Variants in ELK4 observed in about 807,000 individuals in gnomAD.
The protein encoded by ELK4 is ETS transcription factor ELK4.
ELK4 carries 16 observed loss-of-function variants against 29.6 expected under a neutral mutation model. That is an observed-to-expected ratio of 0.54 (90% confidence interval 0.37 to 0.82). ELK4 has a LOEUF of 0.82. Ranked by LOEUF, ELK4 falls within the 40% of genes least tolerant of loss-of-function variation. The probability of loss-of-function intolerance (pLI) is 0.00; values close to 1 mark genes in which losing one functional copy is unlikely to be tolerated. For synonymous variants in ELK4, 213 were observed against 191.1 expected (o/e 1.11, Z -0.95); for missense variants, 465 against 507.1 (o/e 0.92, Z 0.80).
chr1:205,615,006 G>C lies in ELK4; in HGVS notation c.*1540C>G. 1 of 205,924 alleles carries C rather than the reference G, an allele frequency of 4.9e-6. No individual in the cohort carries two copies. Among genetic ancestry groups the C allele is most frequent in the Non-Finnish European group, 9.9e-6 (1 of 100,982 alleles). 12.8% of individuals were successfully genotyped at this position (205,924 alleles called of 1,614,324 possible). ...CATATAGTAATATTTTAAAAATTTG[G>C]TAATGTAGAGAATAAGGCCTACATT... On this transcript the variant is annotated 3_prime_UTR_variant, in exon 5 of 5. Coordinates refer to ENST00000357992, the MANE Select transcript of ELK4 (RefSeq NM_001973.4).
At chr1:205,618,875 C>T (rs1670278492) in intron 4 of ELK4, 82 bp downstream of exon 4, 2 of 1,036,024 alleles carry the variant, frequency 1.9e-6, no homozygotes, top group East Asian at 2.5e-5. Flanking sequence ...AATGATTAAA[C>T]TGAATAGTGG....
intron 1 of ELK4, among the ~76,000 whole-genome samples, chr1:205,624,680 G>T (rs565206124): frequency 2.6e-5 from 4 of 152,126 alleles, no homozygotes; most frequent in African/African-American, 9.6e-5. Flanking sequence ...GGCATTATTG[G>T]TTTTGGGGGC....
chr1:205,619,196 C>G, intron 3 of ELK4, 123 bp from the exon 4 acceptor site: 1 of 1,161,096 alleles, frequency 8.6e-7, no homozygotes, highest in Non-Finnish European at 1.1e-6. Context: ...ATCTCCAAGT[C>G]TGAAATATTA....
intron 2 of ELK4, among the ~76,000 whole-genome samples, chr1:205,621,504 G>A (rs545821121): frequency 5.9e-4 from 90 of 152,192 alleles, no homozygotes; most frequent in Non-Finnish European, 1.1e-3. Flanking sequence ...CACATCCTGA[G>A]TAAGCAAAAA....
Position 205,616,541 on chromosome 1 carries a change from AT to A in ELK4, c.*4del, listed in dbSNP as rs1558019812. 6.2e-7 allele frequency: 1 copy of A among 1,613,448 alleles called. No homozygotes were observed. Among genetic ancestry groups the A allele is most frequent in the African/African-American group, 1.3e-5 (1 of 75,028 alleles). On this transcript the variant is annotated 3_prime_UTR_variant, in exon 5 of 5. Coordinates refer to ENST00000357992, the MANE Select transcript of ELK4 (RefSeq NM_001973.4). ...CTCGGTTCTCTCATTCCACAAGTGCATAGGTTATGTCTTCTGTAGGTCTGGG... is the reference window on the plus strand; with the variant it reads ...CTCGGTTCTCTCATTCCACAAGTGCAAGGTTATGTCTTCTGTAGGTCTGGG...
intron 1 of ELK4, 90 bp downstream of exon 1, chr1:205,631,542 G>GCCGCGCGCCCCTCGGCCCCCGC (rs1177495773): frequency 1.9e-5 from 3 of 155,494 alleles, no homozygotes; most frequent in African/African-American, 7.3e-5. Context: ...TTCCTGTTGT[G>GCCGCGCGCCCCTCGGCCCCCGC]CCGCGCGCCC....
intron 4 of ELK4, 28 bp downstream of exon 4, chr1:205,618,929 T>C: frequency 6.4e-7 from 1 of 1,552,994 alleles, no homozygotes; most frequent in South Asian, 1.2e-5. Flanking sequence ...ATGCTCCAAC[T>C]ACAGAAGACA....
rs1670183387 is a variant in ELK4 at position 205,613,364 on chromosome 1, G to A, written c.*3182C>T. ...ATTTCTAAAAAAAGAAAAAGAAAAAGATCACTGAAGTCAGACATGATATTT... is the reference window on the plus strand; with the variant it reads ...ATTTCTAAAAAAAGAAAAAGAAAAAAATCACTGAAGTCAGACATGATATTT... On this transcript the variant is annotated 3_prime_UTR_variant, in exon 5 of 5. Transcript: ENST00000357992. The A allele has an allele frequency of 5.4e-6, 1 of 184,686 alleles. No homozygotes were observed. Among genetic ancestry groups the A allele is most frequent in the East Asian group, 8.8e-5 (1 of 11,326 alleles). The allele number at this position is 184,686 out of a possible 1,614,324, so 11.4% of individuals were successfully genotyped here. A position where few individuals can be genotyped will look rare whatever the true frequency, so the allele number is the denominator to read the frequency against.
chr1:205,625,023 C>T (rs1255906678), intron 1 of ELK4, among the ~76,000 whole-genome samples: 2 of 151,784 alleles, frequency 1.3e-5, no homozygotes, highest in African/African-American at 4.8e-5. Flanking sequence ...TTGAATACTT[C>T]ACACACACAA....
intron 1 of ELK4, chr1:205,625,745 C>G (rs1179527564): frequency 1.8e-5 from 12 of 674,000 alleles, no homozygotes; most frequent in Admixed American, 1.7e-4. Context: ...GTGGCGCAAT[C>G]TGGGCTCACT....
At chr1:205,621,316 G>C (rs1297469930) in intron 2 of ELK4, among the ~76,000 whole-genome samples, 1 of 150,702 alleles carries the variant, frequency 6.6e-6, no homozygotes, top group Non-Finnish European at 1.5e-5. Flanking sequence ...ACCAAACACA[G>C]TCCCTACTAT....
At position 205,620,292 on chromosome 1, in the gene ELK4, T is replaced by G; in HGVS notation, c.754A>C (p.Thr252Pro). ...GGGGGTATGGACGAAATGGGTGGTG[T>G]GGTGGCAAAAGCAGTCATTACGTTA... ...ASNVMTAFAT[T>P]PPISSIPPLQ... The change falls in exon 3 of 5, where the codon ACA becomes CCA. Residue 252 changes from threonine (T) to proline (P), a missense_variant. Thr to Pro is a conservative substitution (Grantham distance 38). Transcript: ENST00000357992. The G allele has an allele frequency of 6.2e-7, 1 of 1,614,138 alleles. No individual in the cohort carries two copies. The highest frequency in any genetic ancestry group is 8.5e-7 in the Non-Finnish European group (1 of 1,180,016).
At position 205,620,355 on chromosome 1, in the gene ELK4, G is replaced by T. The variant is rs760278373; in HGVS notation, c.691C>A (p.Pro231Thr). 1.4e-5 allele frequency: 23 copies of T among 1,614,084 alleles called. No individual in the cohort carries two copies. Among genetic ancestry groups the T allele is most frequent in the Non-Finnish European group, 1.9e-5 (22 of 1,180,038 alleles). The change falls in exon 3 of 5, where the codon CCA becomes ACA. Residue 231 changes from proline (P) to threonine (T), a missense_variant. This residue lies in a region of ELK4 where 385 missense variants were observed against 387.5 expected (regional missense o/e 0.99). Coordinates refer to ENST00000357992, the MANE Select transcript of ELK4 (RefSeq NM_001973.4). Reference sequence around the variant, plus strand: ...GGGGCTTCCAGGGAAGGCAGTTTTGGGGAAACCAATGTCTCCAAAGCTTGG... The same window carrying T: ...GGGGCTTCCAGGGAAGGCAGTTTTGTGGAAACCAATGTCTCCAAAGCTTGG... ...TIQALETLVS[P>T]KLPSLEAPTS...
chr1:205,619,557 G>C, intron 3 of ELK4: 8 of 1,163,180 alleles, frequency 6.9e-6, no homozygotes, highest in Non-Finnish European at 8.5e-6. Flanking sequence ...TAAAGTAACT[G>C]TACCAACTTG....
In ELK4 at chr1:205,620,800, G is replaced by A. The variant is rs1450599173; in HGVS notation, c.246C>T (p.Tyr82=). The part of the protein sequence containing the change: ...IKKVNGQKFV[Y]KFVSYPEILN... ...AAATCTCTGGATAAGAGACAAACTT[G>A]TACACAAACTTCTGACCATTCACTT... is the stretch of plus-strand genomic sequence containing the variant. The change falls in exon 3 of 5, where the codon TAC becomes TAT. Residue 82 remains tyrosine, a synonymous_variant. Transcript: ENST00000357992. 1.4e-5 allele frequency: 22 copies of A among 1,612,848 alleles called. No individual in the cohort carries two copies. In the Admixed American group the frequency reaches 3.7e-4, roughly 27 times the overall value.
At chr1:205,625,447 T>C (rs1440693733) in intron 1 of ELK4, 2 of 590,052 alleles carry the variant, frequency 3.4e-6, no homozygotes, top group Non-Finnish European at 6.3e-6. Context: ...CCCAGGTTCC[T>C]TCAGCCCAGC....
intron 1 of ELK4, among the ~76,000 whole-genome samples, chr1:205,626,671 G>A (rs941961379): frequency 2.6e-5 from 4 of 152,174 alleles, no homozygotes; most frequent in Non-Finnish European, 5.9e-5. Context: ...AATCAAGACA[G>A]ACAGACAATA....
intron 1 of ELK4, chr1:205,626,070 A>C (rs1449224613): frequency 8.8e-7 from 1 of 1,136,996 alleles, no homozygotes. Context: ...CACCAGTGCC[A>C]CAATGGGTCA....
At position 205,608,966 on chromosome 1, in the gene ELK4, T is replaced by G. The variant is rs960211515; in HGVS notation, c.*7580A>C. 2.6e-5 allele frequency: 5 copies of G among 189,380 alleles called. No homozygotes were observed. The highest frequency in any genetic ancestry group is 1.2e-4 in the African/African-American group (5 of 42,898). The allele number at this position is 189,380 out of a possible 1,614,324, so 11.7% of individuals were successfully genotyped here. On this transcript the variant is annotated 3_prime_UTR_variant, in exon 5 of 5. Transcript: ENST00000357992. Reference sequence around the variant, plus strand: ...GCAGACATATGCTTTTCTTCTGAATTACAGATTGGCTTAATGAAAATTAAG... The same window carrying G: ...GCAGACATATGCTTTTCTTCTGAATGACAGATTGGCTTAATGAAAATTAAG...
Sources: gnomAD v4.1 joint callset for allele counts (sites outside exome capture counted in the v4.1 genomes callset) on GRCh38, gnomAD v4.1.1 for gene constraint, gnomAD v4.1.1 regional missense constraint, MANE v1.5 for transcripts, NCBI Gene and HGNC (gene_info 2026-07-23, HGNC 2026-07-21) for gene names.